Variants in NRDC observed in about 807,000 individuals in gnomAD.
The protein encoded by NRDC is nardilysin.
Under a neutral mutation model 147.1 loss-of-function variants are expected in NRDC, and 54 were observed. That is an observed-to-expected ratio of 0.37 (90% CI 0.29 to 0.46). The LOEUF is 0.46. Among genes scored for constraint, NRDC ranks in the 20% least tolerant of loss-of-function variants. The pLI is 1.00. For synonymous variants in NRDC, 440 were observed against 482.1 expected, an observed-to-expected ratio of 0.91 and a Z score of 1.14; for missense variants, 1,082 against 1,370.6, an observed-to-expected ratio of 0.79 and a Z score of 3.33.
chr1:51,874,598 G>A (rs748608532), intron 1 of NRDC, among the ~76,000 whole-genome samples: 3 of 152,088 alleles, frequency 2.0e-5, no homozygotes, highest in African/African-American at 7.2e-5. Flanking sequence ...TACAAAGTGA[G>A]ACCCTGCCTC....
At chr1:51,807,562 C>T (rs1679525340) in intron 17 of NRDC, among the ~76,000 whole-genome samples, 1 of 151,938 alleles carries the variant, frequency 6.6e-6, no homozygotes, top group Non-Finnish European at 1.5e-5. Context: ...TAAAAATTAG[C>T]TGGGCATTGT....
At chr1:51,866,354 C>T (rs1418249614) in intron 1 of NRDC, among the ~76,000 whole-genome samples, 3 of 152,114 alleles carry the variant, frequency 2.0e-5, no homozygotes, top group Non-Finnish European at 4.4e-5. Flanking sequence ...GTACTAATGG[C>T]AATATCTAGT....
At chr1:51,795,434 T>C (rs1678853158) in intron 22 of NRDC, 2 of 247,308 alleles carry the variant, frequency 8.1e-6, no homozygotes, top group Non-Finnish European at 1.6e-5. Flanking sequence ...ATTTCTTCTC[T>C]TCCCTTTGTG....
chr1:51,790,506 G>A (rs1553200234), intron 29 of NRDC, 27 bp downstream of exon 29: 1 of 1,411,896 alleles, frequency 7.1e-7, no homozygotes, highest in Non-Finnish European at 1.0e-6. Flanking sequence ...ACCAGTTTGA[G>A]CTGTCTTACT....
At chr1:51,807,587 A>G (rs985822882) in intron 17 of NRDC, among the ~76,000 whole-genome samples, 20 of 151,992 alleles carry the variant, frequency 1.3e-4, no homozygotes, top group African/African-American at 4.8e-4. Flanking sequence ...CGCACCTGTA[A>G]TCCCAGCTAC....
At chr1:51,818,011 T>C in intron 10 of NRDC, 55 bp downstream of exon 10, 2 of 1,354,056 alleles carry the variant, frequency 1.5e-6, no homozygotes, top group Non-Finnish European at 2.1e-6. Context: ...TTAGCATGCT[T>C]TAAAAATTAC....
Position 51,791,004 on chromosome 1 carries a change from T to C in NRDC, c.2961-14A>G. On this transcript the variant is annotated splice_polypyrimidine_tract_variant and intron_variant, in intron 27 of 30. Transcript: ENST00000352171. ...ACAACTTCAGAACTGAAACAAAACATCTTCAATCAGAACTAAAACAAAACA... is the reference window on the plus strand; with the variant it reads ...ACAACTTCAGAACTGAAACAAAACACCTTCAATCAGAACTAAAACAAAACA... 6.4e-7 allele frequency: 1 copy of C among 1,574,300 alleles called. No homozygotes were observed. The highest frequency in any genetic ancestry group is 8.7e-7 in the Non-Finnish European group (1 of 1,145,472).
At chr1:51,794,717 A>T (rs1373235722) in intron 23 of NRDC, 106 bp downstream of exon 23, 3 of 1,580,374 alleles carry the variant, frequency 1.9e-6, no homozygotes, top group Non-Finnish European at 2.6e-6. Flanking sequence ...AATCTACTAC[A>T]AGTAGTATTT....
intron 5 of NRDC, among the ~76,000 whole-genome samples, chr1:51,825,734 T>C (rs1352285062): frequency 6.6e-6 from 1 of 152,240 alleles, no homozygotes; most frequent in Non-Finnish European, 1.5e-5. Context: ...TTTGGTCATA[T>C]ATATTGTTTA....
At chr1:51,798,872 C>T (rs1394443392) in intron 21 of NRDC, 3 of 153,192 alleles carry the variant, frequency 2.0e-5, no homozygotes, top group Admixed American at 1.3e-4. Context: ...TTCCACAACC[C>T]CACCCCAAAT....
At chr1:51,795,026 TTG>T (rs1187121293) in intron 22 of NRDC, 172 bp from the exon 23 acceptor site, 1 of 1,477,514 alleles carries the variant, frequency 6.8e-7, no homozygotes, top group Admixed American at 2.4e-5. Context: ...TCAAGATTGA[TTG>T]TGTTTGTGGA....
chr1:51,826,358 G>A (rs1384879099), intron 5 of NRDC, among the ~76,000 whole-genome samples: 2 of 152,058 alleles, frequency 1.3e-5, no homozygotes, highest in Non-Finnish European at 1.5e-5. Context: ...ACATATCTAC[G>A]AAAAGTGATT....
intron 1 of NRDC, among the ~76,000 whole-genome samples, chr1:51,869,732 C>G (rs1263210314): frequency 6.6e-6 from 1 of 152,166 alleles, no homozygotes. Flanking sequence ...ATGGCCTTAT[C>G]CAATATATAA....
chr1:51,857,473 C>T (rs1413885242), intron 1 of NRDC, among the ~76,000 whole-genome samples: 1 of 152,162 alleles, frequency 6.6e-6, no homozygotes, highest in East Asian at 1.9e-4. Context: ...TTTAATATGT[C>T]TAAGGTTTTC....
chr1:51,851,217 T>C (rs1681931908), intron 1 of NRDC, among the ~76,000 whole-genome samples: 1 of 152,086 alleles, frequency 6.6e-6, no homozygotes, highest in Admixed American at 6.6e-5. Context: ...GATAGCCCCA[T>C]AGTATTTTTC....
At chr1:51,870,946 T>A (rs1205521864) in intron 1 of NRDC, among the ~76,000 whole-genome samples, 1 of 152,122 alleles carries the variant, frequency 6.6e-6, no homozygotes, top group Non-Finnish European at 1.5e-5. Context: ...CTTGCTACAA[T>A]GCACTGTTTT....
chr1:51,806,916 A>C lies in NRDC; in HGVS notation c.1991-3T>G, dbSNP rs1422930582. 6.2e-7 allele frequency: 1 copy of C among 1,611,280 alleles called. No homozygotes were observed. Among genetic ancestry groups the C allele is most frequent in the Non-Finnish European group, 8.5e-7 (1 of 1,179,100 alleles). On this transcript the variant is annotated splice_polypyrimidine_tract_variant and splice_region_variant and intron_variant, in intron 17 of 30. Coordinates refer to ENST00000352171, the MANE Select transcript of NRDC (RefSeq NM_001101662.2). ...AGCCTTCAACGTAAAGTCCGTGGCTAATAAAAGAAGATAATAATAATTCAC... is the reference window on the plus strand; with the variant it reads ...AGCCTTCAACGTAAAGTCCGTGGCTCATAAAAGAAGATAATAATAATTCAC...
chr1:51,814,807 C>A lies in NRDC; in HGVS notation c.1446G>T (p.Trp482Cys), dbSNP rs761553532. 1 of 1,588,526 alleles carries A rather than the reference C, an allele frequency of 6.3e-7. No individual in the cohort carries two copies. Among genetic ancestry groups the A allele is most frequent in the Non-Finnish European group, 8.5e-7 (1 of 1,171,022 alleles). The change falls in exon 12 of 31, where the codon TGG becomes TGT. Residue 482 changes from tryptophan to cysteine, a missense_variant. By Grantham distance (215) the Trp-to-Cys change is radical. Around this residue, in one of 3 missense-constraint regions of NRDC, gnomAD observed 635 missense variants for 923.8 expected, o/e 0.69. Coordinates refer to ENST00000352171, the MANE Select transcript of NRDC (RefSeq NM_001101662.2). ...CATTTCCACCAAACAGTGCAAGAGC[C>A]CAGCATCTACAGGTGGGGAAAAAAT... is the stretch of plus-strand genomic sequence containing the variant. ...SILSFLRKKC[W>C]ALALFGGNGE...
intron 1 of NRDC, among the ~76,000 whole-genome samples, chr1:51,865,827 G>A (rs1452755874): frequency 4.6e-5 from 7 of 151,704 alleles, no homozygotes; most frequent in Admixed American, 2.6e-4. Flanking sequence ...CCAAGAGGGC[G>A]GATCAGGAGG....
Sources: gnomAD v4.1 joint callset for allele counts (sites outside exome capture counted in the v4.1 genomes callset) on GRCh38, gnomAD v4.1.1 for gene constraint, gnomAD v4.1.1 regional missense constraint, MANE v1.5 for transcripts, NCBI Gene and HGNC (gene_info 2026-07-23, HGNC 2026-07-21) for gene names.